Variants in CYP4F22 observed in about 807,000 individuals in gnomAD.
CYP4F22 encodes cytochrome P450 family 4 subfamily F member 22.
A neutral mutation model predicts 60.4 loss-of-function variants in CYP4F22; 37 were observed. The ratio of observed to expected loss-of-function variants is 0.61; its 90% CI spans 0.47 to 0.81. CYP4F22 has a LOEUF of 0.81. Among genes scored for constraint, CYP4F22 ranks in the 30% least tolerant of loss-of-function variants. CYP4F22 has a pLI of 0.00. For synonymous variants in CYP4F22, 258 were observed against 280.5 expected (o/e 0.92, Z 0.80); for missense variants, 655 against 715.0 (o/e 0.92, Z 0.96).
At chr19:15,516,835 CTT>C (rs756727270) in intron 1 of CYP4F22, 3,027 of 206,356 alleles carry the variant, frequency 0.015, no homozygotes, top group Non-Finnish European at 0.019. Context: ...AGATGTTATT[CTT>C]TTTTTTTTTT....
intron 10 of CYP4F22, among the ~76,000 whole-genome samples, chr19:15,547,140 C>T (rs544933257): frequency 5.3e-4 from 79 of 150,254 alleles, no homozygotes; most frequent in Non-Finnish European, 5.5e-4. Flanking sequence ...TCTCTTGCCT[C>T]GGCCTCCCAA....
intron 7 of CYP4F22, 111 bp from the exon 8 acceptor site, chr19:15,540,339 G>T (rs1316126366): frequency 5.5e-6 from 7 of 1,281,328 alleles, no homozygotes; most frequent in Non-Finnish European, 5.6e-6. Flanking sequence ...TTAATATAGG[G>T]CTTCTCTTTG....
chr19:15,516,767 A>G (rs1410732760), intron 1 of CYP4F22: 3 of 601,032 alleles, frequency 5.0e-6, no homozygotes, highest in African/African-American at 2.0e-5. Context: ...GACTCTGGAA[A>G]GATAGTCCAC....
At chr19:15,522,439 C>T (rs2144508719) in intron 1 of CYP4F22, among the ~76,000 whole-genome samples, 1 of 152,220 alleles carries the variant, frequency 6.6e-6, no homozygotes, top group South Asian at 2.1e-4. Flanking sequence ...ACTTGGGAGG[C>T]AGAGGTGGGA....
chr19:15,550,648 C>T (rs34585537), intron 12 of CYP4F22, 26 bp from the exon 13 acceptor site: 1 of 1,613,074 alleles, frequency 6.2e-7, no homozygotes, highest in Non-Finnish European at 8.5e-7. Context: ...AGCCCCCAGA[C>T]TCATCTCCAG....
In CYP4F22 at chr19:15,530,839, G is replaced by A. The variant is rs142681561; in HGVS notation, c.367+986G>A. ...CCTCGCATGACACATAGGGATTATC[G>A]GAATTATAATTCAAAATGAAATTTA... On this transcript the variant is annotated intron_variant, in intron 4 of 13. Coordinates refer to ENST00000269703, the MANE Select transcript of CYP4F22 (RefSeq NM_173483.4). 5.9e-5 allele frequency among the ~76,000 whole-genome samples: 9 copies of A among 152,046 alleles called. No homozygotes were observed. In the East Asian group the frequency reaches 7.7e-4, roughly 13 times the overall value.
chr19:15,541,774 G>A (rs1015279204), intron 8 of CYP4F22, among the ~76,000 whole-genome samples: 2 of 151,564 alleles, frequency 1.3e-5, no homozygotes, highest in Non-Finnish European at 2.9e-5. Flanking sequence ...CAGCTACTCG[G>A]GAGGTTGAGG....
intron 10 of CYP4F22, among the ~76,000 whole-genome samples, chr19:15,545,372 G>A (rs995864484): frequency 2.0e-5 from 3 of 152,084 alleles, no homozygotes; most frequent in Non-Finnish European, 4.4e-5. Flanking sequence ...ATTAGGCTGG[G>A]CGTGGTGGCT....
At chr19:15,546,291 A>G (rs1971525451) in intron 10 of CYP4F22, among the ~76,000 whole-genome samples, 3 of 152,076 alleles carry the variant, frequency 2.0e-5, no homozygotes. Context: ...GTTTCTTTGA[A>G]AGAGAACCTG....
At chr19:15,510,966 A>ATATATTTTTTTT (rs34055543) in intron 1 of CYP4F22, among the ~76,000 whole-genome samples, 31 of 103,298 alleles carry the variant, frequency 3.0e-4, no homozygotes, top group African/African-American at 1.1e-3. Flanking sequence ...ATATATATAT[A>ATATATTTTTTTT]TTTTTTTTTT....
intron 3 of CYP4F22, 149 bp downstream of exon 3, chr19:15,525,707 G>T (rs531294192): frequency 1.3e-6 from 1 of 767,262 alleles, no homozygotes; most frequent in African/African-American, 1.7e-5. Context: ...TGAGGCTGAG[G>T]CTCAGAGAGG....
intron 4 of CYP4F22, among the ~76,000 whole-genome samples, chr19:15,530,847 A>T (rs1214695236): frequency 2.0e-5 from 3 of 152,114 alleles, no homozygotes; most frequent in Non-Finnish European, 4.4e-5. Flanking sequence ...TCGGAATTAT[A>T]ATTCAAAATG....
Position 15,540,718 on chromosome 19 carries a change from G to A in CYP4F22, c.939+1G>A, listed in dbSNP as rs1288299100. On this transcript the variant is annotated splice_donor_variant, in intron 8 of 13. Coordinates refer to ENST00000269703, the MANE Select transcript of CYP4F22 (RefSeq NM_173483.4). LOFTEE classifies it high-confidence loss of function. ...TATTGATGTGCTGCTCCTGGCCAGG[G>A]TGAGGCTGGGCCCCCTGGAATTGCT... 6.2e-7 allele frequency: 1 copy of A among 1,605,604 alleles called. No homozygotes were observed. The highest frequency in any genetic ancestry group is 1.7e-5 in the Admixed American group (1 of 58,592).
At chr19:15,509,555 C>T (rs929390179) in intron 1 of CYP4F22, among the ~76,000 whole-genome samples, 1 of 152,116 alleles carries the variant, frequency 6.6e-6, no homozygotes, top group Non-Finnish European at 1.5e-5. Flanking sequence ...GAGAAGGAAC[C>T]TCCCCAAATC....
chr19:15,528,209 T>C (rs1971303395), intron 3 of CYP4F22, among the ~76,000 whole-genome samples: 1 of 152,132 alleles, frequency 6.6e-6, no homozygotes, highest in South Asian at 2.1e-4. Flanking sequence ...TCCCAGCACG[T>C]TGGGAGGCCA....
At chr19:15,510,907 C>T (rs1238010734) in intron 1 of CYP4F22, among the ~76,000 whole-genome samples, 1 of 147,916 alleles carries the variant, frequency 6.8e-6, no homozygotes, top group African/African-American at 2.5e-5. Context: ...TGGTTTGAGC[C>T]CAGGACTTTG....
At chr19:15,509,954 GTCTC>G (rs34582549) in intron 1 of CYP4F22, among the ~76,000 whole-genome samples, 18 of 92,452 alleles carry the variant, frequency 1.9e-4, no homozygotes, top group African/African-American at 6.2e-4. Context: ...TCTTTTCTCT[GTCTC>G]TCTCTCTTTC....
rs149054785 is a variant in CYP4F22, at chr19:15,546,956, T to C, written c.1137-1152T>C. On this transcript the variant is annotated intron_variant, in intron 10 of 13. Coordinates refer to ENST00000269703, the MANE Select transcript of CYP4F22 (RefSeq NM_173483.4). ...GAACTCCTGGGCTCAAGTTATCCACTTGCTTCGGCCTCCCAAAGTGCTGGG... is the reference window on the plus strand; with the variant it reads ...GAACTCCTGGGCTCAAGTTATCCACCTGCTTCGGCCTCCCAAAGTGCTGGG... 5.5e-3 allele frequency among the ~76,000 whole-genome samples: 818 copies of C among 149,598 alleles called. 7 individuals are homozygous for C. The highest frequency in any genetic ancestry group is 0.019 in the African/African-American group (772 of 40,598).
intron 1 of CYP4F22, among the ~76,000 whole-genome samples, chr19:15,509,904 C>CCTTTCCTTCCTTCTTTCTTTCTTT (rs1971066504): frequency 5.8e-5 from 5 of 86,696 alleles, no homozygotes; most frequent in South Asian, 8.9e-4. Flanking sequence ...TTCCTTCCTT[C>CCTTTCCTTCCTTCTTTCTTTCTTT]CTTTCTTTCT....
Sources: gnomAD v4.1 joint callset for allele counts (sites outside exome capture counted in the v4.1 genomes callset) on GRCh38, gnomAD v4.1.1 for gene constraint, MANE v1.5 for transcripts, NCBI Gene and HGNC (gene_info 2026-07-23, HGNC 2026-07-21) for gene names.